OSBPL9: variants seen among roughly 807,000 people sequenced by gnomAD.
The protein encoded by OSBPL9 is oxysterol-binding protein-related protein 9.
OSBPL9 carries 40 observed loss-of-function variants against 106.6 expected under a neutral mutation model. The observed-to-expected ratio is 0.38, with a 90% CI of 0.29 to 0.49. The LOEUF (loss-of-function observed/expected upper bound fraction) is 0.49. OSBPL9 is among the 20% of genes least tolerant of loss of function. The pLI is 0.97. For missense variants in OSBPL9, 609 were observed against 887.2 expected (o/e 0.69, Z 3.98); for synonymous variants, 269 against 295.4 (o/e 0.91, Z 0.92).
chr1:51,583,914 C>A (rs1230782377), intron 1 of OSBPL9, among the ~76,000 whole-genome samples: 2 of 152,148 alleles, frequency 1.3e-5, no homozygotes, highest in African/African-American at 4.8e-5. Context: ...CGTTTGAATT[C>A]CAGTTTCTGC....
At chr1:51,628,516 G>T (rs780989186) in intron 1 of OSBPL9, among the ~76,000 whole-genome samples, 16 of 151,606 alleles carry the variant, frequency 1.1e-4, no homozygotes, top group Non-Finnish European at 1.9e-4. Context: ...CCCGGGAGGT[G>T]AAGGTTGCAG....
chr1:51,558,207 G>C, the OSBPL9 span, among the ~76,000 whole-genome samples: 3 of 152,022 alleles, frequency 2.0e-5, no homozygotes, highest in Non-Finnish European at 2.9e-5. Flanking sequence ...GTGAACCCGG[G>C]AGGCGGAGCT....
chr1:51,622,777 A>G lies in OSBPL9; in HGVS notation c.111+5556A>G, dbSNP rs568940484. Among the ~76,000 whole-genome samples the G allele has an allele frequency of 7.2e-4, 109 of 152,378 alleles. 1 individual carries two copies. Among genetic ancestry groups the G allele is most frequent in the African/African-American group, 2.5e-3 (106 of 41,588 alleles). ...CCTCAATCCCTTTTATGACCTAGTC[A>G]GAGACCACCACTTCTGCCTTATTCT... On this transcript the variant is annotated intron_variant, in intron 1 of 23. Coordinates refer to ENST00000428468, the MANE Select transcript of OSBPL9 (RefSeq NM_024586.6).
chr1:51,735,016 C>CG (rs2148958985), intron 4 of OSBPL9, among the ~76,000 whole-genome samples: 1 of 152,302 alleles, frequency 6.6e-6, no homozygotes, highest in South Asian at 2.1e-4. Context: ...CATTTTCTTG[C>CG]AGATTTGTTC....
At chr1:51,752,579 A>T in intron 8 of OSBPL9, 1 of 454,808 alleles carries the variant, frequency 2.2e-6, no homozygotes, top group Middle Eastern at 4.2e-4. Context: ...AAAATACCAT[A>T]GACTGGGTGG....
At chr1:51,669,305 G>A in intron 2 of OSBPL9, 129 bp from the exon 3 acceptor site, 1 of 730,884 alleles carries the variant, frequency 1.4e-6, no homozygotes, top group Non-Finnish European at 2.3e-6. Flanking sequence ...TAGAGTCTCA[G>A]TTTCCTCTTT....
intron 20 of OSBPL9, chr1:51,784,854 C>G (rs1419801868): frequency 6.9e-6 from 3 of 434,980 alleles, no homozygotes; most frequent in Non-Finnish European, 1.2e-5. Context: ...GGTTGCCTAG[C>G]TAAACCAGAT....
chr1:51,522,859 T>TA, the OSBPL9 span, among the ~76,000 whole-genome samples: 1 of 152,144 alleles, frequency 6.6e-6, no homozygotes, highest in South Asian at 2.1e-4. Flanking sequence ...GTTCAATAAG[T>TA]AGCAGCTATA....
At chr1:51,642,442 C>T (rs79223644) in intron 1 of OSBPL9, among the ~76,000 whole-genome samples, 143 of 152,252 alleles carry the variant, frequency 9.4e-4, no homozygotes, top group African/African-American at 3.4e-3. Context: ...GGATCAGAGA[C>T]ATTTCATAAT....
the OSBPL9 span, among the ~76,000 whole-genome samples, chr1:51,535,763 G>T: frequency 6.6e-6 from 1 of 151,774 alleles, no homozygotes; most frequent in Non-Finnish European, 1.5e-5. Context: ...CACCATGTTG[G>T]CCAGGCTGGT....
At chr1:51,785,615 A>C in intron 20 of OSBPL9, 193 bp from the exon 21 acceptor site, 1 of 554,166 alleles carries the variant, frequency 1.8e-6, no homozygotes, top group Non-Finnish European at 3.2e-6. Flanking sequence ...TGGGATCTCA[A>C]GTTCATAAGC....
At chr1:51,693,202 T>C (rs1655335443) in intron 3 of OSBPL9, among the ~76,000 whole-genome samples, 1 of 151,554 alleles carries the variant, frequency 6.6e-6, no homozygotes, top group Non-Finnish European at 1.5e-5. Flanking sequence ...ACCGAGACCC[T>C]GTTTCTACAA....
At chr1:51,747,105 G>T (rs1668143968) in intron 6 of OSBPL9, among the ~76,000 whole-genome samples, 1 of 152,104 alleles carries the variant, frequency 6.6e-6, no homozygotes, top group Non-Finnish European at 1.5e-5. Context: ...AAGTAGCTGG[G>T]ATTACAGGCA....
intron 2 of OSBPL9, 31 bp downstream of exon 2, chr1:51,652,072 A>G (rs200711354): frequency 1.5e-5 from 22 of 1,514,570 alleles, no homozygotes; most frequent in African/African-American, 9.7e-5. Flanking sequence ...ATGAAAATCA[A>G]TTTTGACAGA....
At chr1:51,537,929 C>T in the OSBPL9 span, among the ~76,000 whole-genome samples, 1 of 152,116 alleles carries the variant, frequency 6.6e-6, no homozygotes, top group Non-Finnish European at 1.5e-5. Context: ...TCCTTATTTG[C>T]ATCTCCCTTT....
At position 51,760,704 on chromosome 1, in the gene OSBPL9, C is replaced by T. The variant is rs778558245; in HGVS notation, c.597C>T (p.Pro199=). 1.2e-5 allele frequency: 20 copies of T among 1,613,634 alleles called. No homozygotes were observed. Among genetic ancestry groups the T allele is most frequent in the East Asian group, 1.1e-4 (5 of 44,820 alleles). Residue 199 remains proline, a synonymous_variant, in exon 10 of 24, where the codon CCC becomes CCT. Transcript: ENST00000428468. ...CTTTATTTTAGAGTACTATTAATCC[C>T]GTAGATGCAATATATCAACCTAGTC... The part of the protein sequence containing the change: ...HADGMISTIN[P]VDAIYQPSPL...
chr1:51,781,890 T>C (rs1676467262), intron 16 of OSBPL9, among the ~76,000 whole-genome samples: 1 of 152,078 alleles, frequency 6.6e-6, no homozygotes, highest in Non-Finnish European at 1.5e-5. Context: ...TATAAAGTTT[T>C]AGAGGTCTGT....
At chr1:51,726,047 G>A (rs960880268) in intron 4 of OSBPL9, among the ~76,000 whole-genome samples, 2 of 152,100 alleles carry the variant, frequency 1.3e-5, no homozygotes, top group South Asian at 4.2e-4. Flanking sequence ...TATGTTTTCT[G>A]TATTATATAT....
chr1:51,677,503 A>G (rs1240093558), intron 3 of OSBPL9, among the ~76,000 whole-genome samples: 2 of 152,182 alleles, frequency 1.3e-5, no homozygotes, highest in African/African-American at 4.8e-5. Context: ...GTATGTGATT[A>G]GTTTTCCATA....
Sources: allele counts gnomAD v4.1 joint callset (sites outside exome capture counted in the v4.1 genomes callset), GRCh38; gene constraint gnomAD v4.1.1; transcripts MANE v1.5; gene names NCBI Gene and HGNC (gene_info 2026-07-23, HGNC 2026-07-21).